Variants in PRKN observed in about 807,000 individuals in gnomAD.
PRKN encodes parkin RBR E3 ubiquitin protein ligase.
A neutral mutation model predicts 59.5 loss-of-function variants in PRKN; 56 were observed. The ratio of observed to expected loss-of-function variants is 0.94; its 90% CI spans 0.76 to 1.18. PRKN has a LOEUF of 1.18. Ranked by LOEUF, PRKN falls within the 50% of genes most tolerant of loss-of-function variation. The pLI is 0.00. For synonymous variants in PRKN, 250 were observed against 222.1 expected (o/e 1.13, Z -1.12); for missense variants, 657 against 596.4 (o/e 1.10, Z -1.06).
intron 2 of PRKN, among the ~76,000 whole-genome samples, chr6:162,361,271 C>CA (rs1562701232): frequency 6.6e-6 from 1 of 152,016 alleles, no homozygotes; most frequent in African/African-American, 2.4e-5. Flanking sequence ...GTGTGTTTCT[C>CA]AAAAAATTCA....
intron 4 of PRKN, among the ~76,000 whole-genome samples, chr6:162,119,720 C>G (rs1025733773): frequency 2.0e-5 from 3 of 152,002 alleles, no homozygotes; most frequent in Admixed American, 2.0e-4. Flanking sequence ...AGGTAAGAAG[C>G]CTTGAAGGAA....
chr6:162,316,818 A>T (rs2128120010), intron 2 of PRKN, among the ~76,000 whole-genome samples: 1 of 152,266 alleles, frequency 6.6e-6, no homozygotes, highest in Admixed American at 6.5e-5. Flanking sequence ...ATAGTTAATG[A>T]AATAAGACAT....
In PRKN at chr6:161,874,998, A is replaced by T. The variant is rs536263567; in HGVS notation, c.735-89090T>A. Among the ~76,000 whole-genome samples the T allele has an allele frequency of 1.1e-3, 102 of 92,322 alleles. 12 individuals carry two copies. Among genetic ancestry groups the T allele is most frequent in the African/African-American group, 5.1e-3 (94 of 18,262 alleles). 60.6% of individuals were successfully genotyped at this position (92,322 alleles called of 152,430 possible). A position where few individuals can be genotyped will look rare whatever the true frequency, so the allele number is the denominator to read the frequency against. On this transcript the variant is annotated intron_variant, in intron 6 of 11. Coordinates refer to ENST00000366898, the MANE Select transcript of PRKN (RefSeq NM_004562.3). ...TTATTATATTATATACTTTATATAT[A>T]ATATATTATATATTATATATAAAGT...
At chr6:161,925,618 A>T (rs1470408576) in intron 6 of PRKN, among the ~76,000 whole-genome samples, 1 of 152,158 alleles carries the variant, frequency 6.6e-6, no homozygotes. Flanking sequence ...ATACAAACTG[A>T]TATCTAAAGG....
chr6:162,137,916 T>C (rs745514333), intron 4 of PRKN, among the ~76,000 whole-genome samples: 19 of 152,030 alleles, frequency 1.2e-4, no homozygotes, highest in Non-Finnish European at 1.8e-4. Flanking sequence ...ATATATAAAA[T>C]ACATATGATT....
At chr6:162,005,610 AGCCCGAATCTATT>A (rs1025923231) in intron 5 of PRKN, among the ~76,000 whole-genome samples, 2 of 152,098 alleles carry the variant, frequency 1.3e-5, no homozygotes, top group African/African-American at 4.8e-5. Context: ...GAGTGTTGAC[AGCCCGAATCTATT>A]GCCCTGCCGA....
chr6:162,380,418 CATAT>C (rs1379826799), intron 2 of PRKN, among the ~76,000 whole-genome samples: 3 of 128,632 alleles, frequency 2.3e-5, no homozygotes, highest in African/African-American at 5.9e-5. Flanking sequence ...TATATACACA[CATAT>C]ATATATGTGT....
intron 1 of PRKN, among the ~76,000 whole-genome samples, chr6:162,598,490 C>A (rs1781572061): frequency 6.6e-6 from 1 of 152,002 alleles, no homozygotes; most frequent in Admixed American, 6.6e-5. Flanking sequence ...ATAATAATAG[C>A]AAGTAAATAA....
intron 1 of PRKN, among the ~76,000 whole-genome samples, chr6:162,662,096 T>C (rs1778908140): frequency 6.6e-6 from 1 of 152,164 alleles, no homozygotes; most frequent in Admixed American, 6.5e-5. Context: ...AGGTATCTTT[T>C]TTTTTTTAAT....
intron 1 of PRKN, among the ~76,000 whole-genome samples, chr6:162,545,568 G>A (rs1779085870): frequency 6.6e-6 from 1 of 152,060 alleles, no homozygotes; most frequent in Non-Finnish European, 1.5e-5. Flanking sequence ...TGATACAGCG[G>A]TCATATTAAC....
chr6:162,477,519 G>A (rs1294521890), intron 1 of PRKN, among the ~76,000 whole-genome samples: 1 of 152,084 alleles, frequency 6.6e-6, no homozygotes. Flanking sequence ...TGCTACACAG[G>A]GTCATTTTGC....
At chr6:161,848,631 C>T (rs1793299222) in intron 6 of PRKN, among the ~76,000 whole-genome samples, 1 of 152,192 alleles carries the variant, frequency 6.6e-6, no homozygotes. Flanking sequence ...TCCAGTAGCA[C>T]CTCCCTGGGG....
In PRKN at chr6:161,391,269, G is replaced by C. The variant is rs191490152; in HGVS notation, c.1084-4392C>G. Among the ~76,000 whole-genome samples the C allele has an allele frequency of 2.0e-4, 30 of 152,142 alleles. No individual in the cohort carries two copies. The highest frequency in any genetic ancestry group is 1.8e-3 in the Admixed American group (28 of 15,286). ...ACTTAAAAATGGTCTTACATTTGCT[G>C]AGGCTCCCTTAAGCTGCATAATACC... On this transcript the variant is annotated intron_variant, in intron 9 of 11. Coordinates refer to ENST00000366898, the MANE Select transcript of PRKN (RefSeq NM_004562.3). The surrounding 1 kb of genome is among the most constrained non-coding windows in gnomAD (Gnocchi z 4.9).
intron 7 of PRKN, among the ~76,000 whole-genome samples, chr6:161,597,264 A>G (rs1321046701): frequency 1.3e-5 from 2 of 152,200 alleles, no homozygotes; most frequent in Non-Finnish European, 2.9e-5. Context: ...TCTCATAACT[A>G]AACAGCAAAT....
chr6:162,033,230 C>T (rs1783707847), intron 5 of PRKN, among the ~76,000 whole-genome samples: 1 of 152,182 alleles, frequency 6.6e-6, no homozygotes, highest in Non-Finnish European at 1.5e-5. Context: ...CTGGCTTTCA[C>T]CCTTCTGAAA....
At position 161,429,617 on chromosome 6, in the gene PRKN, G is replaced by A. The variant is rs776297884; in HGVS notation, c.1084-42740C>T. ...GAAGCGGGAGGGCCAGGGAGGCCAC[G>A]GAGATGGCTGCTGGTTTCAGGTTTG... is the stretch of plus-strand genomic sequence containing the variant. On this transcript the variant is annotated intron_variant, in intron 9 of 11. Transcript: ENST00000366898. This position sits in a 1 kb window ranked among gnomAD's most constrained non-coding sequence, Gnocchi z 4.2. 1.8e-4 allele frequency among the ~76,000 whole-genome samples: 27 copies of A among 152,112 alleles called. 1 individual carries two copies. Among genetic ancestry groups the A allele is most frequent in the Admixed American group, 3.3e-4 (5 of 15,276 alleles).
chr6:162,568,796 G>A (rs1018173084), intron 1 of PRKN: 2 of 733,800 alleles, frequency 2.7e-6, no homozygotes, highest in East Asian at 2.6e-5. Flanking sequence ...TGAAGCTAGA[G>A]GCAGAGCTTG....
At chr6:161,778,552 A>G (rs771438934) in intron 7 of PRKN, among the ~76,000 whole-genome samples, 16 of 152,248 alleles carry the variant, frequency 1.1e-4, no homozygotes, top group Admixed American at 2.0e-4. Flanking sequence ...TCGCACAGGC[A>G]TTTTAAGCTG....
At chr6:162,495,145 A>C (rs1793000288) in intron 1 of PRKN, among the ~76,000 whole-genome samples, 1 of 152,242 alleles carries the variant, frequency 6.6e-6, no homozygotes, top group Non-Finnish European at 1.5e-5. Context: ...AGCCTAATAC[A>C]TAAATTTTCC....
Sources: allele counts gnomAD v4.1 joint callset (sites outside exome capture counted in the v4.1 genomes callset), GRCh38; gene constraint gnomAD v4.1.1; non-coding constraint Gnocchi (gnomAD v3.1); transcripts MANE v1.5; gene names NCBI Gene and HGNC (gene_info 2026-07-23, HGNC 2026-07-21).